Variants in ITPR2 observed in about 807,000 individuals in gnomAD.
The protein encoded by ITPR2 is inositol 1,4,5-trisphosphate receptor type 2.
A neutral mutation model predicts 317.1 loss-of-function variants in ITPR2; 207 were observed. The ratio of observed to expected loss-of-function variants is 0.65; its 90% CI spans 0.58 to 0.73. The LOEUF (loss-of-function observed/expected upper bound fraction) is 0.73, where lower values mean the gene tolerates loss of function less well. Ranked by LOEUF, ITPR2 falls within the 30% of genes least tolerant of loss-of-function variation. ITPR2 has a pLI of 0.00. For synonymous variants in ITPR2, 1,156 were observed against 1,149.1 expected (o/e 1.01, Z -0.12); for missense variants, 2,613 against 3,284.0 (o/e 0.80, Z 4.99).
chr12:26,769,697 CCTT>C (rs1949804643), intron 2 of ITPR2, among the ~76,000 whole-genome samples: 1 of 152,142 alleles, frequency 6.6e-6, no homozygotes, highest in Non-Finnish European at 1.5e-5. Context: ...ATAATACCCT[CCTT>C]CTCAGTGGAG....
rs1175844959 is a variant in ITPR2, at chr12:26,628,137, T to C, written c.2960A>G (p.Tyr987Cys). ...TATTGACAGCATATATGAGATCCTA[T>C]AATCCAGTCTGACACTCAGGATAAA... ...LQFILSVRLD[Y>C]RISYMLSIYK... Residue 987 changes from tyrosine to cysteine, a missense_variant, in exon 23 of 57, where the codon TAT (tyrosine) becomes TGT (cysteine). Around this residue, in one of 9 missense-constraint regions of ITPR2, gnomAD observed 817 missense variants for 897.6 expected, o/e 0.91. Transcript: ENST00000381340. 1.2e-6 allele frequency: 2 copies of C among 1,605,692 alleles called. No individual in the cohort carries two copies. The highest frequency in any genetic ancestry group is 1.7e-6 in the Non-Finnish European group (2 of 1,174,114).
In ITPR2 at chr12:26,669,631, G is replaced by A. The variant is rs535290018; in HGVS notation, c.1410-3580C>T. On this transcript the variant is annotated intron_variant, in intron 13 of 56. Transcript: ENST00000381340. ...CCCAGCGTGAGTGAAGCAGAAGACC[G>A]GTGATTTCTGCATTTCCATCTGAGG... Among the ~76,000 whole-genome samples, 75 of 152,334 alleles carry A rather than the reference G, an allele frequency of 4.9e-4. 1 individual carries two copies. The highest frequency in any genetic ancestry group is 1.6e-3 in the African/African-American group (65 of 41,578).
chr12:26,442,223 T>C (rs900422692), intron 46 of ITPR2, among the ~76,000 whole-genome samples: 6 of 152,154 alleles, frequency 3.9e-5, no homozygotes, highest in Admixed American at 1.3e-4. Flanking sequence ...CAATCTTTAA[T>C]ACATTCTTAA....
chr12:26,496,052 T>C (rs1038955460), intron 37 of ITPR2, among the ~76,000 whole-genome samples: 2 of 152,238 alleles, frequency 1.3e-5, no homozygotes, highest in African/African-American at 4.8e-5. Context: ...TGCTTGCATG[T>C]ACATAAGAAA....
rs185145488 is a variant in ITPR2, at chr12:26,723,763, C to T, written c.366+893G>A. On this transcript the variant is annotated intron_variant, in intron 4 of 56. Transcript: ENST00000381340. The stretch of plus-strand genomic sequence containing the variant: ...CATTGTAGCATTTACTGTAAGGAAG[C>T]TGTCAAGGCTATTGTTTACTATATT... Among the ~76,000 whole-genome samples, 24 of 152,244 alleles carry T rather than the reference C, an allele frequency of 1.6e-4. No homozygotes were observed. The East Asian group carries it at 4.2e-3, about 27-fold the overall frequency.
chr12:26,747,511 G>A (rs983746891), intron 2 of ITPR2, among the ~76,000 whole-genome samples: 2 of 152,116 alleles, frequency 1.3e-5, no homozygotes, highest in Non-Finnish European at 2.9e-5. Context: ...CAACATCTTC[G>A]ACGCCTCTTC....
chr12:26,456,896 A>G (rs1243797818), intron 45 of ITPR2, among the ~76,000 whole-genome samples: 1 of 151,980 alleles, frequency 6.6e-6, no homozygotes, highest in Non-Finnish European at 1.5e-5. Context: ...CTGGTCTCAA[A>G]CTCCTGACAT....
intron 9 of ITPR2, among the ~76,000 whole-genome samples, chr12:26,704,584 G>A (rs940645964): frequency 6.1e-5 from 9 of 146,996 alleles, no homozygotes; most frequent in African/African-American, 2.2e-4. Flanking sequence ...ACTTATCTAA[G>A]ACATGCTAGT....
chr12:26,766,554 C>T (rs1949723444), intron 2 of ITPR2, among the ~76,000 whole-genome samples: 1 of 152,070 alleles, frequency 6.6e-6, no homozygotes, highest in African/African-American at 2.4e-5. Flanking sequence ...AATATCTTCT[C>T]CCTTTCTTTG....
intron 2 of ITPR2, 157 bp from the exon 3 acceptor site, chr12:26,725,922 T>C: frequency 1.9e-6 from 1 of 533,538 alleles, no homozygotes. Context: ...ATTCACTCTA[T>C]AACATCCTTT....
chr12:26,392,805 TACCCTA>T (rs1481876640), intron 54 of ITPR2, among the ~76,000 whole-genome samples: 1 of 152,220 alleles, frequency 6.6e-6, no homozygotes, highest in Non-Finnish European at 1.5e-5. Context: ...CACAGCAAGA[TACCCTA>T]TCCTTAGAAT....
chr12:26,596,602 T>G (rs1237955508), intron 31 of ITPR2, among the ~76,000 whole-genome samples: 2 of 150,120 alleles, frequency 1.3e-5, no homozygotes, highest in East Asian at 3.9e-4. Context: ...AGTCGAAATC[T>G]TGCCATCGCA....
intron 49 of ITPR2, among the ~76,000 whole-genome samples, chr12:26,420,826 A>G (rs1419505575): frequency 6.6e-6 from 1 of 152,174 alleles, no homozygotes; most frequent in Non-Finnish European, 1.5e-5. Flanking sequence ...ATTTAACAAT[A>G]AACACCCCTA....
intron 21 of ITPR2, among the ~76,000 whole-genome samples, chr12:26,636,796 T>C (rs756148591): frequency 9.9e-5 from 15 of 152,146 alleles, no homozygotes; most frequent in Admixed American, 7.9e-4. Context: ...CTTCACCTCA[T>C]TGGATCCTCA....
intron 35 of ITPR2, among the ~76,000 whole-genome samples, chr12:26,561,152 G>A (rs943736255): frequency 3.9e-5 from 6 of 152,122 alleles, no homozygotes; most frequent in African/African-American, 1.2e-4. Context: ...AAACACAGAG[G>A]AAAGAGCCTA....
At chr12:26,706,331 A>C (rs1329952283) in intron 9 of ITPR2, among the ~76,000 whole-genome samples, 1 of 152,150 alleles carries the variant, frequency 6.6e-6, no homozygotes, top group Admixed American at 6.5e-5. Context: ...ACTCCTCTGT[A>C]CTTTAAAGAT....
intron 55 of ITPR2, among the ~76,000 whole-genome samples, chr12:26,371,693 A>G (rs1216028467): frequency 6.6e-6 from 1 of 152,220 alleles, no homozygotes; most frequent in African/African-American, 2.4e-5. Flanking sequence ...GCCTAGTGAG[A>G]GAGGCAGGTA....
intron 37 of ITPR2, among the ~76,000 whole-genome samples, chr12:26,529,816 T>C (rs1289044672): frequency 6.6e-6 from 1 of 152,186 alleles, no homozygotes; most frequent in Non-Finnish European, 1.5e-5. Context: ...TAGTCCATTT[T>C]TCATCACAGC....
intron 33 of ITPR2, among the ~76,000 whole-genome samples, chr12:26,579,475 A>G (rs1158908242): frequency 6.6e-6 from 1 of 152,184 alleles, no homozygotes; most frequent in Admixed American, 6.5e-5. Flanking sequence ...GGATAATACT[A>G]TAATGGAATT....
Sources: gnomAD v4.1 joint callset for allele counts (sites outside exome capture counted in the v4.1 genomes callset) on GRCh38, gnomAD v4.1.1 for gene constraint, gnomAD v4.1.1 regional missense constraint, MANE v1.5 for transcripts, NCBI Gene and HGNC (gene_info 2026-07-23, HGNC 2026-07-21) for gene names.